MEGF11: variants seen among roughly 807,000 people sequenced by gnomAD.
MEGF11 encodes the protein multiple EGF like domains 11.
Under a neutral mutation model 146.6 loss-of-function variants are expected in MEGF11, and 126 were observed. The ratio of observed to expected loss-of-function variants is 0.86; its 90% CI spans 0.74 to 1.00. MEGF11 has a LOEUF of 1.00. Among genes scored for constraint, MEGF11 ranks in the 50% least tolerant of loss-of-function variants. The pLI, the probability that MEGF11 is intolerant of heterozygous loss-of-function variation, is 0.00. For synonymous variants in MEGF11, 532 were observed against 583.4 expected (o/e 0.91, Z 1.27); for missense variants, 1,509 against 1,521.2 (o/e 0.99, Z 0.13).
intron 3 of MEGF11, among the ~76,000 whole-genome samples, chr15:66,119,740 G>C (rs1447054513): frequency 6.6e-6 from 1 of 152,116 alleles, no homozygotes. Flanking sequence ...ACACCTCCGG[G>C]AGAGGAGCCT....
chr15:66,156,248 G>A (rs1278216450), intron 1 of MEGF11, among the ~76,000 whole-genome samples: 1 of 152,134 alleles, frequency 6.6e-6, no homozygotes, highest in Non-Finnish European at 1.5e-5. Context: ...CTGCACTGCT[G>A]GGATCTCCCC....
chr15:66,039,236 C>T (rs1306713670), intron 5 of MEGF11, among the ~76,000 whole-genome samples: 2 of 152,156 alleles, frequency 1.3e-5, no homozygotes, highest in South Asian at 2.1e-4. Flanking sequence ...CATTCCACAG[C>T]GAAGAGGTCA....
At chr15:66,188,602 A>G (rs1214094843) in intron 1 of MEGF11, among the ~76,000 whole-genome samples, 1 of 152,176 alleles carries the variant, frequency 6.6e-6, no homozygotes, top group Non-Finnish European at 1.5e-5. Context: ...CCCAGGGCCC[A>G]GAGGGAGGGT....
intron 5 of MEGF11, among the ~76,000 whole-genome samples, chr15:66,032,513 A>G (rs374139765): frequency 6.6e-6 from 1 of 152,272 alleles, no homozygotes; most frequent in East Asian, 1.9e-4. Flanking sequence ...GGAACTTTTT[A>G]GAGATTAAAT....
intron 5 of MEGF11, among the ~76,000 whole-genome samples, chr15:66,018,658 C>T (rs917935781): frequency 2.9e-5 from 4 of 138,822 alleles, no homozygotes; most frequent in East Asian, 2.2e-4. Flanking sequence ...CCTGCCTATG[C>T]GTGGGTGAGG....
chr15:65,959,986 A>G (rs1231235889), intron 9 of MEGF11, among the ~76,000 whole-genome samples: 1 of 152,238 alleles, frequency 6.6e-6, no homozygotes, highest in East Asian at 1.9e-4. Context: ...ATATGAAGGA[A>G]TGCTAAGAGA....
At chr15:65,906,525 A>G (rs2078634266) in intron 23 of MEGF11, 1 of 177,872 alleles carries the variant, frequency 5.6e-6, no homozygotes, top group Non-Finnish European at 1.2e-5. Context: ...AGGATAAGGA[A>G]TGAAGCAGAA....
At chr15:65,933,035 T>C (rs2079633875) in intron 10 of MEGF11, among the ~76,000 whole-genome samples, 1 of 152,166 alleles carries the variant, frequency 6.6e-6, no homozygotes, top group South Asian at 2.1e-4. Flanking sequence ...GCTTCACTCC[T>C]ATGTGGGCCA....
chr15:66,054,384 CT>C (rs2084592361), intron 5 of MEGF11, among the ~76,000 whole-genome samples: 1 of 152,212 alleles, frequency 6.6e-6, no homozygotes, highest in Admixed American at 6.5e-5. Flanking sequence ...ACTCCAGCCC[CT>C]CATCTCCACC....
At chr15:66,202,157 CAT>C (rs74787605) in intron 1 of MEGF11, among the ~76,000 whole-genome samples, 44,204 of 151,512 alleles carry the variant, frequency 0.29, 6,864 homozygotes, top group East Asian at 0.59. Context: ...TACACACACA[CAT>C]ACTCATCACA....
At chr15:65,970,507 T>C in intron 8 of MEGF11, 46 bp downstream of exon 8, 19 of 1,592,238 alleles carry the variant, frequency 1.2e-5, no homozygotes, top group Non-Finnish European at 1.5e-5. Context: ...CTCCTATGAA[T>C]ATGAGTAAAA....
intron 4 of MEGF11, among the ~76,000 whole-genome samples, chr15:66,117,628 T>C (rs1475483093): frequency 6.6e-6 from 1 of 152,222 alleles, no homozygotes; most frequent in Admixed American, 6.5e-5. Context: ...CGCGGGCCGC[T>C]TACATCTGTC....
chr15:66,041,102 G>C (rs2083956755), intron 5 of MEGF11, among the ~76,000 whole-genome samples: 1 of 152,150 alleles, frequency 6.6e-6, no homozygotes, highest in African/African-American at 2.4e-5. Context: ...ATGGCAAAAA[G>C]AACTCTTTGA....
chr15:65,970,453 T>C (rs2081264563), intron 8 of MEGF11, 100 bp downstream of exon 8: 1 of 1,351,242 alleles, frequency 7.4e-7, no homozygotes, highest in South Asian at 1.5e-5. Context: ...AGAAAGGAAC[T>C]GGAAGGCTGG....
At position 65,957,528 on chromosome 15, in the gene MEGF11, G is replaced by C; in HGVS notation, c.1287+19C>G. 3 of 1,609,254 alleles carry C rather than the reference G, an allele frequency of 1.9e-6. No individual in the cohort carries two copies. Among genetic ancestry groups the C allele is most frequent in the Non-Finnish European group, 2.5e-6 (3 of 1,177,850 alleles). On this transcript the variant is annotated intron_variant, in intron 10 of 25. Transcript: ENST00000395614. ...CCGGTGGAGGTCAGGAAGGCCACGG[G>C]AGGCCCCTCCCATCTTACCATGAAG...
At chr15:66,059,782 GAACTGCTCCTTCTAGA>G in intron 5 of MEGF11, among the ~76,000 whole-genome samples, 1 of 152,314 alleles carries the variant, frequency 6.6e-6, no homozygotes, top group Admixed American at 6.5e-5. Context: ...ACCTACGGTA[GAACTGCTCCTTCTAGA>G]AGAAGCCCGG....
intron 24 of MEGF11, among the ~76,000 whole-genome samples, chr15:65,900,368 G>A (rs1417294285): frequency 2.0e-5 from 3 of 152,200 alleles, no homozygotes; most frequent in Non-Finnish European, 4.4e-5. Context: ...GATGTACCTT[G>A]GGACCCTGAA....
chr15:66,031,544 T>TCA (rs1366941822), intron 5 of MEGF11, among the ~76,000 whole-genome samples: 1 of 152,168 alleles, frequency 6.6e-6, no homozygotes, highest in East Asian at 1.9e-4. Flanking sequence ...AGTACTGTCC[T>TCA]CACATTCAGG....
At chr15:66,098,743 G>A (rs886763779) in intron 4 of MEGF11, among the ~76,000 whole-genome samples, 1 of 152,204 alleles carries the variant, frequency 6.6e-6, no homozygotes, top group Non-Finnish European at 1.5e-5. Flanking sequence ...CTACATCCAC[G>A]TGGACCCAAG....
Sources: gnomAD v4.1 joint callset for allele counts (sites outside exome capture counted in the v4.1 genomes callset) on GRCh38, gnomAD v4.1.1 for gene constraint, MANE v1.5 for transcripts, NCBI Gene and HGNC (gene_info 2026-07-23, HGNC 2026-07-21) for gene names.